Variants in CDH4 observed in about 807,000 individuals in gnomAD.
The protein encoded by CDH4 is cadherin-4.
In CDH4, 33 loss-of-function variants were observed where a neutral mutation model predicts 86.0. The ratio of observed to expected loss-of-function variants is 0.38; its 90% CI spans 0.29 to 0.51. The LOEUF (loss-of-function observed/expected upper bound fraction) is 0.51. Ranked by LOEUF, CDH4 falls within the 20% of genes least tolerant of loss-of-function variation. The probability of loss-of-function intolerance (pLI) is 0.86; values close to 1 mark genes in which losing one functional copy is unlikely to be tolerated. For missense variants in CDH4, 1,114 were observed against 1,307.4 expected (o/e 0.85, Z 2.28); for synonymous variants, 555 against 549.4 (o/e 1.01, Z -0.14).
intron 2 of CDH4, among the ~76,000 whole-genome samples, chr20:61,540,385 T>C (rs2086031301): frequency 6.6e-6 from 1 of 152,166 alleles, no homozygotes; most frequent in Non-Finnish European, 1.5e-5. Flanking sequence ...CCGGAAGCCA[T>C]GTTTGAAAGG....
intron 8 of CDH4, 119 bp from the exon 9 acceptor site, chr20:61,910,303 G>A (rs1052361386): frequency 4.7e-6 from 4 of 848,008 alleles, no homozygotes; most frequent in African/African-American, 3.3e-5. Context: ...CTCGAGCTGG[G>A]CTGACACGGT....
At chr20:61,675,379 A>G (rs2087435294) in intron 2 of CDH4, among the ~76,000 whole-genome samples, 1 of 42,500 alleles carries the variant, frequency 2.4e-5, no homozygotes, top group Non-Finnish European at 4.4e-5. Context: ...CTTTGGGCTC[A>G]GCCAAGCACT....
chr20:61,731,199 CCAAA>C (rs1350989537), intron 2 of CDH4, among the ~76,000 whole-genome samples: 5 of 152,102 alleles, frequency 3.3e-5, no homozygotes, highest in African/African-American at 7.2e-5. Flanking sequence ...TCTGCTCAGG[CCAAA>C]CAGTCGTGCC....
chr20:61,620,977 G>T (rs2086772324), intron 2 of CDH4, among the ~76,000 whole-genome samples: 1 of 152,232 alleles, frequency 6.6e-6, no homozygotes, highest in Non-Finnish European at 1.5e-5. Flanking sequence ...TCCCAAGTCA[G>T]GCTGTTTGCT....
chr20:61,835,423 C>T (rs1981825916), intron 4 of CDH4, among the ~76,000 whole-genome samples: 1 of 152,336 alleles, frequency 6.6e-6, no homozygotes, highest in South Asian at 2.1e-4. Flanking sequence ...GACAATTCCA[C>T]TGGGTGTGGT....
At chr20:61,260,083 G>C (rs73311186) in intron 2 of CDH4, among the ~76,000 whole-genome samples, 41 of 152,192 alleles carry the variant, frequency 2.7e-4, no homozygotes, top group Admixed American at 1.1e-3. Context: ...GCTTGGTTTT[G>C]TTGTCACATG....
chr20:61,806,436 T>C lies in CDH4; in HGVS notation c.576+33254T>C, dbSNP rs573097227. Among the ~76,000 whole-genome samples, 7 of 152,362 alleles carry C rather than the reference T, an allele frequency of 4.6e-5. No homozygotes were observed. The South Asian group carries it at 1.0e-3, about 23-fold the overall frequency. On this transcript the variant is annotated intron_variant, in intron 4 of 15. Coordinates refer to ENST00000614565, the MANE Select transcript of CDH4 (RefSeq NM_001794.5). ...GCAGGAGGGCACCAGAAACACAGTT[T>C]GTGCGGCCGTGCACACCCAGGGTGA...
chr20:61,773,385 T>C (rs2088801696), intron 4 of CDH4, among the ~76,000 whole-genome samples: 1 of 152,188 alleles, frequency 6.6e-6, no homozygotes, highest in South Asian at 2.1e-4. Flanking sequence ...GGATGGGCCT[T>C]TGTGAGTTAG....
intron 2 of CDH4, among the ~76,000 whole-genome samples, chr20:61,366,639 T>G (rs906705845): frequency 4.6e-5 from 7 of 152,248 alleles, no homozygotes; most frequent in Non-Finnish European, 1.0e-4. Flanking sequence ...GCTAGTTAAC[T>G]GCAGCAGGAG....
chr20:61,526,479 GT>G lies in CDH4; in HGVS notation c.170-217075del, dbSNP rs113473143. On this transcript the variant is annotated intron_variant, in intron 2 of 15. Coordinates refer to ENST00000614565, the MANE Select transcript of CDH4 (RefSeq NM_001794.5). The stretch of plus-strand genomic sequence containing the variant: ...CTAAAAAAGACCACATCCCTGGCTT[GT>G]TTTTTTTTCTTTCTTTTTTTTTAAT... 1.1e-3 allele frequency among the ~76,000 whole-genome samples: 168 copies of G among 150,316 alleles called. 1 individual carries two copies. The highest frequency in any genetic ancestry group is 3.8e-3 in the African/African-American group (156 of 40,802).
intron 4 of CDH4, among the ~76,000 whole-genome samples, chr20:61,802,816 T>C (rs562077911): frequency 6.6e-6 from 1 of 152,322 alleles, no homozygotes; most frequent in East Asian, 1.9e-4. Context: ...GGGCCCTGTC[T>C]GTGGCCACCG....
At chr20:61,552,561 G>A (rs187625258) in intron 2 of CDH4, among the ~76,000 whole-genome samples, 19 of 152,188 alleles carry the variant, frequency 1.2e-4, no homozygotes, top group Admixed American at 5.9e-4. Context: ...TTATCTGGGC[G>A]TGGTAGGACA....
intron 2 of CDH4, among the ~76,000 whole-genome samples, chr20:61,654,217 G>A (rs1033725912): frequency 1.3e-5 from 2 of 152,232 alleles, no homozygotes; most frequent in African/African-American, 4.8e-5. Context: ...GCGGTTAGGA[G>A]CTGGAGACCA....
At chr20:61,353,937 G>A (rs1250608246) in intron 2 of CDH4, among the ~76,000 whole-genome samples, 1 of 151,966 alleles carries the variant, frequency 6.6e-6, no homozygotes, top group Non-Finnish European at 1.5e-5. Context: ...GCTTTGTGCT[G>A]AAAGGACTTA....
chr20:61,430,507 T>C (rs1372080035), intron 2 of CDH4, among the ~76,000 whole-genome samples: 1 of 152,154 alleles, frequency 6.6e-6, no homozygotes, highest in Non-Finnish European at 1.5e-5. Context: ...TTATCACCCT[T>C]TATGTGCAGC....
intron 2 of CDH4, among the ~76,000 whole-genome samples, chr20:61,714,990 G>A (rs1435347113): frequency 1.3e-5 from 2 of 152,160 alleles, no homozygotes; most frequent in African/African-American, 4.8e-5. Context: ...TCTCCATGCT[G>A]TTTTCCATAG....
In CDH4 at chr20:61,928,351, G is replaced by A. The variant is rs147214733; in HGVS notation, c.1933G>A (p.Gly645Ser). Residue 645 changes from glycine to serine, a missense_variant, in exon 12 of 16, where the codon GGC (glycine) becomes AGC (serine). Gly to Ser is a moderately conservative substitution (Grantham distance 56). Coordinates refer to ENST00000614565, the MANE Select transcript of CDH4 (RefSeq NM_001794.5). ...AADADVDPNI[G>S]PYVFELPFVP... ...CGACGCTGACGTCGACCCCAACATC[G>A]GCCCCTACGTCTTCGAGCTGCCCTT... 18 of 1,611,390 alleles carry A rather than the reference G, an allele frequency of 1.1e-5. No individual in the cohort carries two copies. The highest frequency in any genetic ancestry group is 7.7e-5 in the South Asian group (7 of 91,084).
At chr20:61,438,710 A>T (rs558366485) in intron 2 of CDH4, among the ~76,000 whole-genome samples, 127 of 152,356 alleles carry the variant, frequency 8.3e-4, no homozygotes, top group African/African-American at 2.7e-3. Context: ...TTCCAAAAAA[A>T]ATATTGGTCA....
At chr20:61,653,966 T>C (rs1265883436) in intron 2 of CDH4, among the ~76,000 whole-genome samples, 39 of 137,308 alleles carry the variant, frequency 2.8e-4, no homozygotes, top group Non-Finnish European at 5.1e-4. Flanking sequence ...GAGGGGCTCC[T>C]CACATCCCAG....
Sources: allele counts gnomAD v4.1 joint callset (sites outside exome capture counted in the v4.1 genomes callset), GRCh38; gene constraint gnomAD v4.1.1; transcripts MANE v1.5; gene names NCBI Gene and HGNC (gene_info 2026-07-23, HGNC 2026-07-21).